WNK3: variants seen among roughly 807,000 people sequenced by gnomAD.
WNK3 encodes the protein WNK lysine deficient protein kinase 3, also known as serine/threonine-protein kinase WNK3.
Under a neutral mutation model 116.7 loss-of-function variants are expected in WNK3, and 18 were observed. The observed-to-expected ratio is 0.15, with a 90% CI of 0.11 to 0.23. The LOEUF (loss-of-function observed/expected upper bound fraction) is 0.23, where lower values mean the gene tolerates loss of function less well. Ranked by LOEUF, WNK3 falls within the 10% of genes least tolerant of loss-of-function variation. The pLI, the probability that WNK3 is intolerant of heterozygous loss-of-function variation, is 1.00. For missense variants in WNK3, 993 were observed against 1,323.8 expected (o/e 0.75, Z 3.88); for synonymous variants, 404 against 469.4 (o/e 0.86, Z 1.80).
intron 22 of WNK3, among the ~76,000 whole-genome samples, chrX:54,213,247 A>G (rs1037155409): frequency 1.8e-5 from 2 of 109,052 alleles, no homozygotes; most frequent in African/African-American, 6.7e-5. Context: ...CGGCCTCCCA[A>G]ATGATTTTAA....
chrX:54,249,364 G>T, exon 17 of WNK3: 1 of 1,212,049 alleles, frequency 8.3e-7, no homozygotes, highest in South Asian at 1.8e-5. Flanking sequence ...TGCTTGTTTG[G>T]TGAGTCCCTC....
intron 16 of WNK3, 54 bp from the exon 17 acceptor site, chrX:54,249,688 A>C (rs1569536636): frequency 9.4e-7 from 1 of 1,061,725 alleles, no homozygotes; most frequent in Non-Finnish European, 1.3e-6. Flanking sequence ...CAAAGCACAG[A>C]CTAGTACCCT....
chrX:54,315,528 C>A (rs2068943937), intron 2 of WNK3, among the ~76,000 whole-genome samples: 1 of 111,019 alleles, frequency 9.0e-6, no homozygotes, highest in East Asian at 2.8e-4. Context: ...ATCTTTTTCA[C>A]CCTGGGAGAT....
At chrX:54,228,129 C>T (rs1297728735) in intron 22 of WNK3, among the ~76,000 whole-genome samples, 1 of 111,014 alleles carries the variant, frequency 9.0e-6, no homozygotes, top group African/African-American at 3.3e-5. Flanking sequence ...AATCCTCCTG[C>T]CTTGGCCTCC....
intron 1 of WNK3, among the ~76,000 whole-genome samples, chrX:54,336,182 G>A (rs1465218231): frequency 3.6e-5 from 4 of 110,530 alleles, no homozygotes; most frequent in African/African-American, 9.9e-5. Context: ...CCAGCTACTC[G>A]GGAGGCTGAG....
intron 17 of WNK3, among the ~76,000 whole-genome samples, chrX:54,242,437 T>C (rs1410796252): frequency 8.9e-6 from 1 of 111,967 alleles, no homozygotes; most frequent in Non-Finnish European, 1.9e-5. Context: ...CTAAAATTCA[T>C]ATGGAATCAC....
At chrX:54,348,629 C>T (rs1055500077) in intron 1 of WNK3, among the ~76,000 whole-genome samples, 1 of 112,175 alleles carries the variant, frequency 8.9e-6, no homozygotes, top group Non-Finnish European at 1.9e-5. Context: ...CTACCTCCAA[C>T]GTATGAGTGT....
chrX:54,277,454 C>CA (rs1452403691), intron 10 of WNK3, among the ~76,000 whole-genome samples: 2 of 108,801 alleles, frequency 1.8e-5, no homozygotes, highest in Admixed American at 9.9e-5. Flanking sequence ...TCTCCTGCCT[C>CA]AGTCTCCCGA....
chrX:54,315,714 C>A (rs894032001), intron 2 of WNK3, among the ~76,000 whole-genome samples: 1 of 111,587 alleles, frequency 9.0e-6, no homozygotes, highest in South Asian at 3.8e-4. Flanking sequence ...GATACTACTT[C>A]TTTTTGATTA....
At chrX:54,327,510 T>C (rs1297437702) in intron 2 of WNK3, among the ~76,000 whole-genome samples, 1 of 111,791 alleles carries the variant, frequency 8.9e-6, no homozygotes, top group Non-Finnish European at 1.9e-5. Flanking sequence ...TATTAAAACC[T>C]ATTGTTGAGC....
chrX:54,311,061 T>C, intron 3 of WNK3, 58 bp downstream of exon 3: 1 of 888,203 alleles, frequency 1.1e-6, no homozygotes, highest in Non-Finnish European at 1.5e-6. Flanking sequence ...AAAATTGTTA[T>C]GACTCCTGAA....
exon 2 of WNK3, chrX:54,333,174 G>C (rs781852077): frequency 8.3e-7 from 1 of 1,205,303 alleles, no homozygotes; most frequent in Non-Finnish European, 1.1e-6. Flanking sequence ...CCATGTTTCA[G>C]TGTCCAGTCC....
chrX:54,308,474 G>A (rs1313123855), intron 4 of WNK3, among the ~76,000 whole-genome samples: 2 of 111,837 alleles, frequency 1.8e-5, no homozygotes, highest in African/African-American at 6.5e-5. Flanking sequence ...ACAGGCGTGG[G>A]CCACCATGCC....
At chrX:54,256,566 T>C (rs1557155587) in intron 11 of WNK3, among the ~76,000 whole-genome samples, 1 of 112,146 alleles carries the variant, frequency 8.9e-6, no homozygotes, top group African/African-American at 3.2e-5. Flanking sequence ...CTCAAACATA[T>C]TTCAACAAAT....
At chrX:54,218,907 C>G (rs2146782173) in intron 22 of WNK3, among the ~76,000 whole-genome samples, 1 of 111,029 alleles carries the variant, frequency 9.0e-6, no homozygotes, top group Admixed American at 9.6e-5. Context: ...CAAAATGAGA[C>G]TCTGTCTCAT....
chrX:54,294,640 C>A (rs2068676924), exon 8 of WNK3: 1 of 1,208,148 alleles, frequency 8.3e-7, no homozygotes, highest in Non-Finnish European at 1.1e-6. Flanking sequence ...TCACATTCAG[C>A]CCCAGTTTGC....
At chrX:54,261,870 T>C (rs975156272) in intron 10 of WNK3, among the ~76,000 whole-genome samples, 1 of 111,953 alleles carries the variant, frequency 8.9e-6, no homozygotes, top group African/African-American at 3.2e-5. Context: ...AATCTTTGTA[T>C]GCATTCTTAA....
chrX:54,349,286 C>T (rs1435608723), intron 1 of WNK3, among the ~76,000 whole-genome samples: 1 of 111,773 alleles, frequency 8.9e-6, no homozygotes, highest in African/African-American at 3.2e-5. Flanking sequence ...TGCAGTGAGC[C>T]GAGATCGTGC....
chrX:54,250,265 T>C (rs1362591944), intron 15 of WNK3, 134 bp from the exon 16 acceptor site: 1 of 598,391 alleles, frequency 1.7e-6, no homozygotes, highest in Non-Finnish European at 2.4e-6. Flanking sequence ...TATATGTAAT[T>C]GATAAGACCA....
Sources: allele counts gnomAD v4.1 joint callset (sites outside exome capture counted in the v4.1 genomes callset), GRCh38; gene constraint gnomAD v4.1.1; transcripts MANE v1.5; gene names NCBI Gene and HGNC (gene_info 2026-07-23, HGNC 2026-07-21).